TNRC6B: variants seen among roughly 807,000 people sequenced by gnomAD.
The protein encoded by TNRC6B is trinucleotide repeat-containing gene 6B protein.
TNRC6B carries 52 observed loss-of-function variants against 203.6 expected under a neutral mutation model. That is an observed-to-expected ratio of 0.26 (90% CI 0.20 to 0.32). The LOEUF (loss-of-function observed/expected upper bound fraction) is 0.32. Ranked by LOEUF, TNRC6B falls within the 10% of genes least tolerant of loss-of-function variation. TNRC6B has a pLI of 1.00. For synonymous variants in TNRC6B, 838 were observed against 845.7 expected (o/e 0.99, Z 0.16); for missense variants, 1,923 against 2,286.2 (o/e 0.84, Z 3.24).
chr22:40,114,331 A>T (rs911828860), intron 1 of TNRC6B, among the ~76,000 whole-genome samples: 4 of 151,750 alleles, frequency 2.6e-5, no homozygotes, highest in Non-Finnish European at 5.9e-5. Context: ...TTTTATTTTC[A>T]TTTTTTTGAG....
chr22:40,251,750 G>A (rs2146479166), intron 3 of TNRC6B, among the ~76,000 whole-genome samples: 1 of 151,850 alleles, frequency 6.6e-6, no homozygotes, highest in Non-Finnish European at 1.5e-5. Context: ...GGTCATGATT[G>A]TGAACTGAAC....
In TNRC6B at chr22:40,311,334, G is replaced by A. The variant is rs780063345; in HGVS notation, c.4435+341G>A. Among the ~76,000 whole-genome samples, 10 of 152,260 alleles carry A rather than the reference G, an allele frequency of 6.6e-5. No individual in the cohort carries two copies. The East Asian group carries it at 1.4e-3, about 21-fold the overall frequency. On this transcript the variant is annotated intron_variant, in intron 17 of 22. Coordinates refer to ENST00000454349, the MANE Select transcript of TNRC6B (RefSeq NM_001162501.2). ...AGTTAGCTTCTAGGTATGCAGTAGC[G>A]ATTGCAATGAGATTATTTGTTAATT...
At chr22:40,076,072 C>T (rs1444329423) in intron 1 of TNRC6B, among the ~76,000 whole-genome samples, 1 of 152,126 alleles carries the variant, frequency 6.6e-6, no homozygotes, top group East Asian at 1.9e-4. Flanking sequence ...TCTGAGTTCC[C>T]ATCCGTATTA....
intron 1 of TNRC6B, among the ~76,000 whole-genome samples, chr22:40,062,095 C>T (rs999908152): frequency 6.6e-6 from 1 of 152,062 alleles, no homozygotes; most frequent in Non-Finnish European, 1.5e-5. Context: ...GAAAACTTTA[C>T]AACTATATGT....
rs552594110 is a variant in TNRC6B at position 40,170,924 on chromosome 22, T to C, written c.113+14742T>C. Among the ~76,000 whole-genome samples the C allele has an allele frequency of 7.0e-5, 10 of 143,594 alleles. No homozygotes were observed. The South Asian group carries it at 2.1e-3, about 31-fold the overall frequency. The allele number at this position is 143,594 out of a possible 152,430, so 94.2% of individuals were successfully genotyped here. A position where few individuals can be genotyped will look rare whatever the true frequency, so the allele number is the denominator to read the frequency against. ...ATATATGTGCATATATGTGTGTATATATACACCCATATATGTACATATAGG... is the reference window on the plus strand; with the variant it reads ...ATATATGTGCATATATGTGTGTATACATACACCCATATATGTACATATAGG... On this transcript the variant is annotated intron_variant, in intron 4 of 23. Transcript: ENST00000301923.
chr22:40,223,476 A>T (rs1601897741), intron 1 of TNRC6B, among the ~76,000 whole-genome samples: 1 of 152,158 alleles, frequency 6.6e-6, no homozygotes, highest in African/African-American at 2.4e-5. Context: ...CTGTTCACAT[A>T]TAAAAAATTG....
intron 2 of TNRC6B, among the ~76,000 whole-genome samples, chr22:40,247,529 A>T (rs1435442947): frequency 6.6e-6 from 1 of 152,238 alleles, no homozygotes; most frequent in East Asian, 1.9e-4. Context: ...TGCTATGTTA[A>T]ATATATGAAA....
intron 1 of TNRC6B, among the ~76,000 whole-genome samples, chr22:40,054,826 C>G (rs776877539): frequency 6.6e-6 from 1 of 151,776 alleles, no homozygotes; most frequent in Non-Finnish European, 1.5e-5. Context: ...TCACTTGAGT[C>G]CAGGAGTTCG....
intron 1 of TNRC6B, among the ~76,000 whole-genome samples, chr22:40,202,260 G>GTTTTTTTTTTT: frequency 7.7e-6 from 1 of 129,774 alleles, no homozygotes; most frequent in Non-Finnish European, 1.7e-5. Flanking sequence ...TTGTTTTTTT[G>GTTTTTTTTTTT]TTTTTTTTTT....
chr22:40,284,441 A>G (rs1188837332), intron 11 of TNRC6B, among the ~76,000 whole-genome samples: 1 of 152,212 alleles, frequency 6.6e-6, no homozygotes, highest in Non-Finnish European at 1.5e-5. Context: ...ATTTCAATTC[A>G]GGGTATATGT....
intron 12 of TNRC6B, among the ~76,000 whole-genome samples, chr22:40,292,107 T>C (rs1012103837): frequency 6.6e-6 from 1 of 152,074 alleles, no homozygotes; most frequent in African/African-American, 2.4e-5. Flanking sequence ...GGTAGGAGAA[T>C]GGCATGAACC....
At chr22:40,126,490 C>G (rs1286785318) in intron 3 of TNRC6B, among the ~76,000 whole-genome samples, 2 of 150,940 alleles carry the variant, frequency 1.3e-5, no homozygotes, top group Admixed American at 1.3e-4. Context: ...TAAGTGAGAA[C>G]ATGCAGCATT....
In TNRC6B at chr22:40,215,484, A is replaced by G. The variant is rs138280263; in HGVS notation, c.6-30531A>G. Among the ~76,000 whole-genome samples the G allele has an allele frequency of 3.2e-4, 49 of 152,342 alleles. No individual in the cohort carries two copies. In the East Asian group the frequency reaches 9.5e-3, roughly 29 times the overall value. On this transcript the variant is annotated intron_variant, in intron 1 of 22. Transcript: ENST00000454349. ...AAGGAACTTGCTGCTTCCTGTTCCC[A>G]TGAGGGCACTTGAGCAATGCTTTTT...
At position 40,251,170 on chromosome 22, in the gene TNRC6B, A is replaced by C. The variant is rs781173053; in HGVS notation, c.94-9A>C. 6.5e-7 allele frequency: 1 copy of C among 1,534,490 alleles called. No homozygotes were observed. The highest frequency in any genetic ancestry group is 1.4e-5 in the African/African-American group (1 of 72,264). ...AAATCTCATTTACTTTTATCTGTTT[A>C]TTTTGCAGGTCACGGAACAAAAAAC... On this transcript the variant is annotated splice_polypyrimidine_tract_variant and intron_variant, in intron 2 of 22. Coordinates refer to ENST00000454349, the MANE Select transcript of TNRC6B (RefSeq NM_001162501.2).
intron 3 of TNRC6B, among the ~76,000 whole-genome samples, chr22:40,261,069 C>A (rs953291408): frequency 4.6e-5 from 7 of 151,930 alleles, no homozygotes; most frequent in Middle Eastern, 3.4e-3. Flanking sequence ...AGCTTGAGTT[C>A]AGGAGTTCGA....
chr22:40,170,377 TTATA>T (rs1255745433), intron 4 of TNRC6B, among the ~76,000 whole-genome samples: 1 of 75,368 alleles, frequency 1.3e-5, no homozygotes, highest in Non-Finnish European at 2.2e-5. Context: ...TATATATATA[TTATA>T]TATATAGTTT....
chr22:40,155,144 A>AT (rs953360241), intron 3 of TNRC6B, among the ~76,000 whole-genome samples: 4 of 151,420 alleles, frequency 2.6e-5, no homozygotes, highest in Admixed American at 6.6e-5. Context: ...TTATTCTTCT[A>AT]TTTTTTTCTG....
chr22:40,057,588 G>A (rs866114072), intron 1 of TNRC6B, among the ~76,000 whole-genome samples: 84 of 152,060 alleles, frequency 5.5e-4, no homozygotes, highest in African/African-American at 2.0e-3. Context: ...GCCTGGCCCA[G>A]AATTTTCATA....
chr22:40,181,456 A>T (rs2146380844), intron 1 of TNRC6B, among the ~76,000 whole-genome samples: 1 of 152,370 alleles, frequency 6.6e-6, no homozygotes, highest in East Asian at 1.9e-4. Flanking sequence ...CTGCAGTTTA[A>T]GCTGGACACA....
Sources: gnomAD v4.1 joint callset for allele counts (sites outside exome capture counted in the v4.1 genomes callset) on GRCh38, gnomAD v4.1.1 for gene constraint, MANE v1.5 for transcripts, NCBI Gene and HGNC (gene_info 2026-07-23, HGNC 2026-07-21) for gene names.